The following ANK1 variants were observed in gnomAD, a reference collection of about 807,000 sequenced individuals.
ANK1 encodes ankyrin-1.
Under a neutral mutation model 210.4 loss-of-function variants are expected in ANK1, and 51 were observed. The observed-to-expected ratio is 0.24, with a 90% CI of 0.19 to 0.31. The LOEUF (loss-of-function observed/expected upper bound fraction) is 0.31. ANK1 is among the 10% of genes least tolerant of loss of function. ANK1 has a pLI of 1.00. For synonymous variants in ANK1, 967 were observed against 1,025.9 expected, an observed-to-expected ratio of 0.94 and a Z score of 1.10; for missense variants, 2,051 against 2,504.4, an observed-to-expected ratio of 0.82 and a Z score of 3.86.
intron 1 of ANK1, among the ~76,000 whole-genome samples, chr8:41,761,125 A>G (rs1031973811): frequency 2.9e-4 from 23 of 79,666 alleles, no homozygotes; most frequent in African/African-American, 6.9e-4. Context: ...ACACACATGC[A>G]CACACACACA....
At chr8:41,662,161 G>A (rs1198241296) in intron 40 of ANK1, among the ~76,000 whole-genome samples, 1 of 152,118 alleles carries the variant, frequency 6.6e-6, no homozygotes, top group African/African-American at 2.4e-5. Flanking sequence ...GGAGGCTGTG[G>A]CAGGAGAATC....
In ANK1 at chr8:41,687,474, C is replaced by T. The variant is rs117567416; in HGVS notation, c.4258+682G>A. ...ATCAGCACGAGAACGTAGCTTCTTG[C>T]TCTCCCTGTCCATGACTCCACCCTG... On this transcript the variant is annotated intron_variant, in intron 35 of 42. Transcript: ENST00000289734. Among the ~76,000 whole-genome samples the T allele has an allele frequency of 1.8e-3, 281 of 152,334 alleles. 5 individuals carry two copies. The East Asian group carries it at 0.038, about 21-fold the overall frequency.
intron 2 of ANK1, among the ~76,000 whole-genome samples, chr8:41,737,621 A>G (rs1173196107): frequency 6.6e-6 from 1 of 152,144 alleles, no homozygotes; most frequent in Non-Finnish European, 1.5e-5. Context: ...TCTCCTTCTT[A>G]TGATTTTTAA....
chr8:41,775,579 T>C (rs1200768638), intron 1 of ANK1, among the ~76,000 whole-genome samples: 1 of 152,164 alleles, frequency 6.6e-6, no homozygotes, highest in Admixed American at 6.5e-5. Context: ...TTGAAGATAA[T>C]AATAATAAAG....
At chr8:41,779,614 A>C (rs1157160388) in intron 1 of ANK1, among the ~76,000 whole-genome samples, 1 of 148,034 alleles carries the variant, frequency 6.8e-6, no homozygotes, top group Non-Finnish European at 1.5e-5. Context: ...AAAAGAAAAA[A>C]AGAAAAGACA....
upstream of ANK1, chr8:41,797,659 C>A: frequency 6.8e-7 from 1 of 1,464,448 alleles, no homozygotes. The surrounding 1 kb of genome is among the most constrained non-coding windows in gnomAD (Gnocchi z 4.0). Flanking sequence ...CCCCCGAGGG[C>A]CTTATCGGCC....
At chr8:41,693,479 C>T (rs1819887674) in intron 29 of ANK1, among the ~76,000 whole-genome samples, 1 of 117,376 alleles carries the variant, frequency 8.5e-6, no homozygotes, top group African/African-American at 3.3e-5. Flanking sequence ...TGCTTGTTGC[C>T]CAGGCTGCAG....
chr8:41,717,209 G>A (rs1827919474), intron 12 of ANK1, among the ~76,000 whole-genome samples, 158 bp from the exon 13 acceptor site: 1 of 152,218 alleles, frequency 6.6e-6, no homozygotes, highest in Non-Finnish European at 1.5e-5. Flanking sequence ...ATGTGTGCAT[G>A]TGTGCATGAG....
At chr8:41,880,097 A>AT (rs1817317147) in intron 1 of ANK1, among the ~76,000 whole-genome samples, 1 of 152,176 alleles carries the variant, frequency 6.6e-6, no homozygotes, top group Non-Finnish European at 1.5e-5. Context: ...GCTGAGAATG[A>AT]TTTTTACATT....
At chr8:41,877,550 A>G (rs530123433) in intron 1 of ANK1, among the ~76,000 whole-genome samples, 92 of 152,368 alleles carry the variant, frequency 6.0e-4, no homozygotes, top group African/African-American at 2.1e-3. Flanking sequence ...ACTCCTCCAG[A>G]TTTTGGAAAT....
At position 41,698,098 on chromosome 8, in the gene ANK1, C is replaced by G; in HGVS notation, c.2582G>C (p.Arg861Thr). The G allele has an allele frequency of 6.2e-7, 1 of 1,614,126 alleles. No individual in the cohort carries two copies. Among genetic ancestry groups the G allele is most frequent in the South Asian group, 1.1e-5 (1 of 91,078 alleles). The part of the protein sequence containing the change: ...DQVVESPAIP[R>T]IPCAMPETVV... ...TGTCTCAGGCATGGCACAGGGAATC[C>G]TGGGGATGGCTGGAGATTCCACCCT... The change falls in exon 24 of 43, where the codon AGG becomes ACG. Residue 861 changes from arginine (R) to threonine (T), a missense_variant. This residue lies in a region of ANK1 where 1,413 missense variants were observed against 1,707.4 expected (regional missense o/e 0.83). Transcript: ENST00000289734.
rs529208378 is a variant in ANK1, at chr8:41,733,892, A to T, written c.228+79T>A. 216 of 1,176,582 alleles carry T rather than the reference A, an allele frequency of 1.8e-4. 1 individual carries two copies. In the South Asian group the frequency reaches 2.5e-3, roughly 13 times the overall value. The allele number at this position is 1,176,582 out of a possible 1,614,324, so 72.9% of individuals were successfully genotyped here. A position where few individuals can be genotyped will look rare whatever the true frequency, so the allele number is the denominator to read the frequency against. On this transcript the variant is annotated intron_variant, in intron 3 of 42. Coordinates refer to ENST00000289734, the MANE Select transcript of ANK1 (RefSeq NM_000037.4). ...TTCAGATGCATGCCTGAGTTCTCTC[A>T]TGAAGGACTGGTTTCTAAGGAAGGA...
At chr8:41,799,287 G>A (rs1849478999), upstream of ANK1, among the ~76,000 whole-genome samples, 1 of 152,266 alleles carries the variant, frequency 6.6e-6, no homozygotes, top group East Asian at 1.9e-4. Context: ...GATCTCACTT[G>A]GCAACACATA....
rs373770183 is a variant in ANK1 at position 41,702,202 on chromosome 8, C to T, written c.2296-58G>A. The T allele has an allele frequency of 3.8e-5, 56 of 1,454,568 alleles. 1 individual carries two copies. In the East Asian group the frequency reaches 4.3e-4, roughly 11 times the overall value. 90.1% of individuals were successfully genotyped at this position (1,454,568 alleles called of 1,614,324 possible). On this transcript the variant is annotated intron_variant, in intron 20 of 42. Coordinates refer to ENST00000289734, the MANE Select transcript of ANK1 (RefSeq NM_000037.4). ...AGGGGATGGAGTCTAGGAGGCGGGG[C>T]TGGCTCCCTAGACACAGATCGAGTT...
chr8:41,803,238 T>TTGATA (rs1850447594), intron 1 of ANK1: 1 of 152,070 alleles, frequency 6.6e-6, no homozygotes, highest in African/African-American at 2.4e-5. Flanking sequence ...GCCCTCTTGT[T>TTGATA]TGATATTTTT....
chr8:41,715,467 G>A (rs1563535458), intron 14 of ANK1, among the ~76,000 whole-genome samples, 185 bp downstream of exon 14: 1 of 152,270 alleles, frequency 6.6e-6, no homozygotes, highest in East Asian at 1.9e-4. Context: ...TTGACTTCCT[G>A]TTTTGGGGAA....
At chr8:41,748,147 A>T (rs946467454) in intron 2 of ANK1, among the ~76,000 whole-genome samples, 1 of 152,172 alleles carries the variant, frequency 6.6e-6, no homozygotes, top group African/African-American at 2.4e-5. Flanking sequence ...ACCTAGCTGC[A>T]TATCTGGTTT....
intron 27 of ANK1, 111 bp downstream of exon 27, chr8:41,695,066 C>A (rs572226362): frequency 2.8e-6 from 4 of 1,452,956 alleles, no homozygotes; most frequent in Non-Finnish European, 3.8e-6. Flanking sequence ...CCATTCTCAG[C>A]CTCTTGGGGC....
At chr8:41,715,284 G>A (rs1827317987) in intron 14 of ANK1, among the ~76,000 whole-genome samples, 1 of 152,230 alleles carries the variant, frequency 6.6e-6, no homozygotes, top group Admixed American at 6.5e-5. Context: ...TGGCAAGAGG[G>A]TCTCAACCAC....
Sources: allele counts gnomAD v4.1 joint callset (sites outside exome capture counted in the v4.1 genomes callset), GRCh38; gene constraint gnomAD v4.1.1; regional missense constraint gnomAD v4.1.1; non-coding constraint Gnocchi (gnomAD v3.1); transcripts MANE v1.5; gene names NCBI Gene and HGNC (gene_info 2026-07-23, HGNC 2026-07-21).